The following SIPA1 variants were observed in gnomAD, a reference collection of about 807,000 sequenced individuals.
The protein encoded by SIPA1 is signal-induced proliferation-associated protein 1.
A neutral mutation model predicts 88.1 loss-of-function variants in SIPA1; 51 were observed. The ratio of observed to expected loss-of-function variants is 0.58; its 90% confidence interval spans 0.46 to 0.73. The LOEUF (loss-of-function observed/expected upper bound fraction) is 0.73. Among genes scored for constraint, SIPA1 ranks in the 30% least tolerant of loss-of-function variants. The probability of loss-of-function intolerance (pLI) is 0.00; values close to 1 mark genes in which losing one functional copy is unlikely to be tolerated. For missense variants in SIPA1, 1,348 were observed against 1,467.6 expected, an observed-to-expected ratio of 0.92 and a Z score of 1.33; for synonymous variants, 681 against 664.8, an observed-to-expected ratio of 1.02 and a Z score of -0.37.
At chr11:65,645,790 C>A (rs1333824617) in intron 5 of SIPA1, 64 bp from the exon 6 acceptor site, 21 of 1,199,560 alleles carry the variant, frequency 1.8e-5, no homozygotes, top group Non-Finnish European at 2.5e-5. Context: ...GCAGGAATGG[C>A]AAGTTCAAGC....
In SIPA1 at chr11:65,647,581, C is replaced by G; in HGVS notation, c.2229C>G (p.Ala743=). Residue 743 remains alanine (A), a synonymous_variant, in exon 9 of 16, where the codon GCC becomes GCG. Coordinates refer to ENST00000534313, the MANE Select transcript of SIPA1 (RefSeq NM_006747.4). ...GQTLPSLRPE[A]AAQLLRSAPK... is the part of the protein sequence containing the mutation. ...CTCTGCCCAGCCTCCGGCCCGAGGC[C>G]GCTGCCCAGCTCCTGCGCTCGGCGC... 7.3e-7 allele frequency: 1 copy of G among 1,362,736 alleles called. No individual in the cohort carries two copies. 84.4% of individuals were successfully genotyped at this position (1,362,736 alleles called of 1,614,324 possible).
chr11:65,641,318 CAG>C lies in SIPA1; in HGVS notation c.398_399del (p.Gln133ArgfsTer35), dbSNP rs1252289870. ...GCTCTTTGATTGGGCTCCGAGGTCT[CAG>C]GGGATGGGGAGCCACTCAGAGGCCA... ...SLLFDWAPRS[Q>X]GMGSHSEASS... On this transcript the variant is annotated frameshift_variant, in exon 2 of 16. Coordinates refer to ENST00000534313, the MANE Select transcript of SIPA1 (RefSeq NM_006747.4). LOFTEE classifies it high-confidence loss of function. 6.2e-7 allele frequency: 1 copy of C among 1,613,518 alleles called. No individual in the cohort carries two copies. The highest frequency in any genetic ancestry group is 1.7e-5 in the Admixed American group (1 of 60,030).
intron 1 of SIPA1, chr11:65,639,064 A>G (rs1241573664): frequency 6.6e-6 from 1 of 152,322 alleles, no homozygotes; most frequent in Admixed American, 6.5e-5. Context: ...CATTCTTCTC[A>G]GTCTCTCAGC....
intron 9 of SIPA1, 118 bp downstream of exon 9, chr11:65,647,776 GGAAA>G: frequency 1.3e-6 from 1 of 783,236 alleles, no homozygotes; most frequent in Middle Eastern, 4.7e-4. Context: ...CTTTCCTTCT[GGAAA>G]GAATCTCCCG....
chr11:65,650,246 C>T (rs956435102), intron 14 of SIPA1, 54 bp downstream of exon 14: 25 of 1,588,398 alleles, frequency 1.6e-5, no homozygotes, highest in Admixed American at 8.4e-5. Flanking sequence ...ACCCCCCCTT[C>T]GTGCCTGTCT....
intron 8 of SIPA1, 50 bp downstream of exon 8, chr11:65,647,115 T>TGCTTTGGACCCC: frequency 7.0e-7 from 1 of 1,438,726 alleles, no homozygotes; most frequent in Non-Finnish European, 9.1e-7. Flanking sequence ...GGGCGGAGCC[T>TGCTTTGGACCCC]GCTTTGGACC....
chr11:65,647,392 C>T lies in SIPA1; in HGVS notation c.2040C>T (p.Ser680=). 3 of 1,450,484 alleles carry T rather than the reference C, an allele frequency of 2.1e-6. No homozygotes were observed. The highest frequency in any genetic ancestry group is 2.6e-5 in the South Asian group (2 of 75,582). The allele number at this position is 1,450,484 out of a possible 1,614,324, so 89.9% of individuals were successfully genotyped here. The change falls in exon 9 of 16, where the codon AGC becomes AGT. Residue 680 remains serine, a synonymous_variant. Transcript: ENST00000534313. ...GEVVARLQLV[S]RGCETRELAL... ...TCCCGCCCCGTCCGCAGCTGGTGAG[C>T]CGTGGCTGCGAGACCCGCGAGCTGG...
At position 65,642,669 on chromosome 11, in the gene SIPA1, A is replaced by G. The variant is rs760447906; in HGVS notation, c.984+30A>G. On this transcript the variant is annotated intron_variant, in intron 4 of 15. Coordinates refer to ENST00000534313, the MANE Select transcript of SIPA1 (RefSeq NM_006747.4). The surrounding 1 kb of genome is among the most constrained non-coding windows in gnomAD (Gnocchi z 6.5). ...GTGGCGGGCCGCGGAGCCCCCAGCC[A>G]TACAGCTGGCCCCAGTCTGAACCCA... 1 of 1,493,404 alleles carries G rather than the reference A, an allele frequency of 6.7e-7. No individual in the cohort carries two copies. The highest frequency in any genetic ancestry group is 1.8e-4 in the Middle Eastern group (1 of 5,582). The allele number at this position is 1,493,404 out of a possible 1,614,324, so 92.5% of individuals were successfully genotyped here. A position where few individuals can be genotyped will look rare whatever the true frequency, so the allele number is the denominator to read the frequency against.
In SIPA1 at chr11:65,646,767, C is replaced by G; in HGVS notation, c.1733C>G (p.Ala578Gly). The change falls in exon 8 of 16, where the codon GCG (alanine) becomes GGG (glycine). Residue 578 changes from alanine to glycine, a missense_variant. This residue lies in a region of SIPA1 where 68 missense variants were observed against 59.0 expected (regional missense o/e 1.15). Transcript: ENST00000534313. The surrounding 1 kb of genome is among the most constrained non-coding windows in gnomAD (Gnocchi z 7.5). The stretch of plus-strand genomic sequence containing the variant: ...GGCCCAGGCGCCGAGCTGCAGGCAG[C>G]GGGCTCACTGGTGTGGGGAGTGCGC... Reference protein sequence around the residue: ...PRGPGAELQAAGSLVWGVRAA... With the variant: ...PRGPGAELQAGGSLVWGVRAA... 2.7e-6 allele frequency: 4 copies of G among 1,486,002 alleles called. No individual in the cohort carries two copies. Among genetic ancestry groups the G allele is most frequent in the Non-Finnish European group, 3.6e-6 (4 of 1,125,336 alleles). The allele number at this position is 1,486,002 out of a possible 1,614,324, so 92.1% of individuals were successfully genotyped here.
intron 2 of SIPA1, among the ~76,000 whole-genome samples, chr11:65,641,899 T>C (rs905851341): frequency 6.6e-6 from 1 of 151,936 alleles, no homozygotes; most frequent in African/African-American, 2.4e-5. Flanking sequence ...TTCTGTGGGG[T>C]GAAAACTCAG....
Position 65,647,446 on chromosome 11 carries a change from G to C in SIPA1, c.2094G>C (p.Leu698=). The C allele has an allele frequency of 6.7e-7, 1 of 1,481,806 alleles. No homozygotes were observed. The highest frequency in any genetic ancestry group is 8.9e-7 in the Non-Finnish European group (1 of 1,124,372). 91.8% of individuals were successfully genotyped at this position (1,481,806 alleles called of 1,614,324 possible). The change falls in exon 9 of 16, where the codon CTG becomes CTC. Residue 698 remains leucine, a synonymous_variant. Transcript: ENST00000534313. ...TGCCCCGCGACGGTCAAGGCCGCCTGGGCTTCGAGGTGGACGCCGAGGGAT... is the reference window on the plus strand; with the variant it reads ...TGCCCCGCGACGGTCAAGGCCGCCTCGGCTTCGAGGTGGACGCCGAGGGAT... ...LALPRDGQGR[L]GFEVDAEGFV... is the part of the protein sequence containing the mutation.
rs545192785 is a variant in SIPA1 at position 65,644,810 on chromosome 11, CTGTA to C, written c.985-144_985-141del. ...TCCCAAGCACGAGGAGCACAACAGA[CTGTA>C]CTCACCTGACAGGCAAGGGCACAAG... is the stretch of plus-strand genomic sequence containing the variant. On this transcript the variant is annotated intron_variant, in intron 4 of 15. Coordinates refer to ENST00000534313, the MANE Select transcript of SIPA1 (RefSeq NM_006747.4). The C allele has an allele frequency of 2.3e-3, 1,739 of 749,980 alleles. 4 individuals are homozygous for C. The highest frequency in any genetic ancestry group is 2.9e-3 in the Non-Finnish European group (1,321 of 455,472). 46.5% of individuals were successfully genotyped at this position (749,980 alleles called of 1,614,324 possible).
In SIPA1 at chr11:65,642,181, C is replaced by G; in HGVS notation, c.680-69C>G. 6.5e-7 allele frequency: 1 copy of G among 1,527,398 alleles called. No individual in the cohort carries two copies. Among genetic ancestry groups the G allele is most frequent in the Non-Finnish European group, 8.8e-7 (1 of 1,138,824 alleles). 94.6% of individuals were successfully genotyped at this position (1,527,398 alleles called of 1,614,324 possible). A position where few individuals can be genotyped will look rare whatever the true frequency, so the allele number is the denominator to read the frequency against. On this transcript the variant is annotated intron_variant, in intron 2 of 15. Coordinates refer to ENST00000534313, the MANE Select transcript of SIPA1 (RefSeq NM_006747.4). This position sits in a 1 kb window ranked among gnomAD's most constrained non-coding sequence, Gnocchi z 6.5. The stretch of plus-strand genomic sequence containing the variant: ...AAGCCTAGGGCGGGGCTTAGTGATG[C>G]GCGTGGTCGAGCGGGGGCGGGGCTG...
At chr11:65,650,242 C>A (rs201432620) in intron 14 of SIPA1, 50 bp downstream of exon 14, 955 of 1,591,824 alleles carry the variant, frequency 6.0e-4, no homozygotes, top group Admixed American at 7.7e-4. Context: ...CATGACCCCC[C>A]CTTCGTGCCT....
Position 65,649,298 on chromosome 11 carries a change from G to T in SIPA1, c.2343G>T (p.Glu781Asp). The T allele has an allele frequency of 6.4e-7, 1 of 1,553,280 alleles. No individual in the cohort carries two copies. The highest frequency in any genetic ancestry group is 8.7e-7 in the Non-Finnish European group (1 of 1,147,802). The change falls in exon 10 of 16, where the codon GAG (glutamate) becomes GAT (aspartate). Residue 781 changes from glutamate (E) to aspartate (D), a missense_variant. By Grantham distance (45) the Glu-to-Asp change is conservative. This residue lies in a region of SIPA1 where 615 missense variants were observed against 559.8 expected (regional missense o/e 1.10). Coordinates refer to ENST00000534313, the MANE Select transcript of SIPA1 (RefSeq NM_006747.4). ...AGCTGTACACGCTGTCGCTGCAGGA[G>T]CCTAGCCGGCGGGGGGCCCCAGATC... Reference protein sequence around the residue: ...FSELYTLSLQEPSRRGAPDPV... With the variant: ...FSELYTLSLQDPSRRGAPDPV...
Position 65,642,546 on chromosome 11 carries a change from G to T in SIPA1, c.891G>T (p.Glu297Asp). 1 of 1,605,210 alleles carries T rather than the reference G, an allele frequency of 6.2e-7. No individual in the cohort carries two copies. Residue 297 changes from glutamate to aspartate, a missense_variant, in exon 4 of 16, where the codon GAG (glutamate) becomes GAT (aspartate). Physicochemically the swap from Glu to Asp is conservative, Grantham distance 45. Coordinates refer to ENST00000534313, the MANE Select transcript of SIPA1 (RefSeq NM_006747.4). The surrounding 1 kb of genome is among the most constrained non-coding windows in gnomAD (Gnocchi z 6.5). ...GTCTGTCCCCAAGGAAACTTCTGGA[G>T]CACGTGGCGCCGCAGCTGAGCCCCA... Reference protein sequence around the residue: ...PRGLSPRKLLEHVAPQLSPSC... With the variant: ...PRGLSPRKLLDHVAPQLSPSC...
Position 65,642,337 on chromosome 11 carries a change from G to A in SIPA1, c.767G>A (p.Gly256Asp), listed in dbSNP as rs370404826. The A allele has an allele frequency of 3.9e-6, 6 of 1,556,982 alleles. No individual in the cohort carries two copies. The highest frequency in any genetic ancestry group is 1.4e-5 in the African/African-American group (1 of 73,346). ...RREEKEGSGG[G>D]TLHSYRVIVR... ...GAGGAGAAGGAGGGCAGCGGAGGGG[G>A]CACCCTGCACAGCTACCGCGTCATC... The change falls in exon 3 of 16, where the codon GGC (glycine) becomes GAC (aspartate). Residue 256 changes from glycine (G) to aspartate (D), a missense_variant. By Grantham distance (94) the Gly-to-Asp change is moderately conservative (BLOSUM62 -1). Transcript: ENST00000534313. The surrounding 1 kb of genome is among the most constrained non-coding windows in gnomAD (Gnocchi z 6.5).
At position 65,649,293 on chromosome 11, in the gene SIPA1, C is replaced by T; in HGVS notation, c.2338C>T (p.Gln780Ter). The stretch of plus-strand genomic sequence containing the variant: ...TTCGGAGCTGTACACGCTGTCGCTG[C>T]AGGAGCCTAGCCGGCGGGGGGCCCC... ...SFSELYTLSL[Q>*]EPSRRGAPDP... Residue 780 changes from glutamine to a stop codon, truncating the protein, a stop_gained, in exon 10 of 16, where the codon CAG (glutamine) becomes TAG (stop). Coordinates refer to ENST00000534313, the MANE Select transcript of SIPA1 (RefSeq NM_006747.4). LOFTEE classifies it high-confidence loss of function. 1 of 1,551,302 alleles carries T rather than the reference C, an allele frequency of 6.4e-7. No homozygotes were observed. The highest frequency in any genetic ancestry group is 8.7e-7 in the Non-Finnish European group (1 of 1,146,578).
At chr11:65,645,164 C>A in intron 5 of SIPA1, 35 bp downstream of exon 5, 1 of 1,597,972 alleles carries the variant, frequency 6.3e-7, no homozygotes, top group Non-Finnish European at 8.5e-7. Context: ...GGGAGCAGAT[C>A]TGTGCTGAAG....
Sources: allele counts gnomAD v4.1 joint callset (sites outside exome capture counted in the v4.1 genomes callset), GRCh38; gene constraint gnomAD v4.1.1; regional missense constraint gnomAD v4.1.1; non-coding constraint Gnocchi (gnomAD v3.1); transcripts MANE v1.5; gene names NCBI Gene and HGNC (gene_info 2026-07-23, HGNC 2026-07-21).